PGM5: variants seen among roughly 807,000 people sequenced by gnomAD.
The protein encoded by PGM5 is phosphoglucomutase-like protein 5.
Under a neutral mutation model 59.2 loss-of-function variants are expected in PGM5, and 23 were observed. The observed-to-expected ratio is 0.39, with a 90% CI of 0.28 to 0.55. The LOEUF (loss-of-function observed/expected upper bound fraction) is 0.55, where lower values mean the gene tolerates loss of function less well. PGM5 is among the 20% of genes least tolerant of loss of function. The pLI is 0.66. For synonymous variants in PGM5, 214 were observed against 286.0 expected, an observed-to-expected ratio of 0.75 and a Z score of 2.54; for missense variants, 574 against 748.3, an observed-to-expected ratio of 0.77 and a Z score of 2.72.
chr9:68,423,629 A>ATCTCTCTCTCTC lies in PGM5; in HGVS notation c.1043+31170_1043+31181dup, dbSNP rs368417025. ...TGGGAAATAACCCCAAGAGCACAAA[A>ATCTCTCTCTCTC]TCTCTCTCTCTCTCTCTCTCTCTCT... On this transcript the variant is annotated intron_variant, in intron 6 of 10. Transcript: ENST00000396396. 4.9e-3 allele frequency among the ~76,000 whole-genome samples: 634 copies of ATCTCTCTCTCTC among 129,258 alleles called. 1 individual carries two copies. Among genetic ancestry groups the ATCTCTCTCTCTC allele is most frequent in the African/African-American group, 0.017 (587 of 34,572 alleles). 84.8% of individuals were successfully genotyped at this position (129,258 alleles called of 152,430 possible). A position where few individuals can be genotyped will look rare whatever the true frequency, so the allele number is the denominator to read the frequency against.
chr9:68,515,629 C>CT, intron 10 of PGM5, among the ~76,000 whole-genome samples: 1 of 152,320 alleles, frequency 6.6e-6, no homozygotes, highest in Non-Finnish European at 1.5e-5. Context: ...AGCTTTCCCC[C>CT]ACTGGGTGTG....
chr9:68,467,099 A>G (rs11142549), intron 7 of PGM5, among the ~76,000 whole-genome samples: 6,138 of 152,242 alleles, frequency 0.04, 514 homozygotes, highest in East Asian at 0.35. Context: ...TCTCCCAGTG[A>G]CAGCTGATCG....
chr9:68,359,579 T>G (rs2987724), intron 1 of PGM5, among the ~76,000 whole-genome samples: 1 of 152,176 alleles, frequency 6.6e-6, no homozygotes, highest in African/African-American at 2.4e-5. Context: ...AAATTGGTCT[T>G]GAATGATTGA....
intron 10 of PGM5, among the ~76,000 whole-genome samples, chr9:68,525,501 A>T (rs1253619289): frequency 6.6e-6 from 1 of 152,212 alleles, no homozygotes; most frequent in African/African-American, 2.4e-5. Flanking sequence ...ATGGCACTTG[A>T]TATTGATGTT....
At chr9:68,500,085 G>A (rs782097812) in intron 10 of PGM5, among the ~76,000 whole-genome samples, 1 of 149,934 alleles carries the variant, frequency 6.7e-6, no homozygotes, top group Non-Finnish European at 1.5e-5. Flanking sequence ...TTCAATCTGG[G>A]TTTTGAAGCA....
Position 68,529,545 on chromosome 9 carries a change from G to C in PGM5, c.1615-22G>C. 5 of 1,548,910 alleles carry C rather than the reference G, an allele frequency of 3.2e-6. No individual in the cohort carries two copies. The East Asian group carries it at 1.2e-4, about 36-fold the overall frequency. ...ATGTAACTGACTTGAGTTGTTCACA[G>C]ACTTTCCTTTTCCTTTTGCAGGCAG... On this transcript the variant is annotated intron_variant, in intron 10 of 10. Coordinates refer to ENST00000396396, the MANE Select transcript of PGM5 (RefSeq NM_021965.4).
rs537655935 is a variant in PGM5 at position 68,424,133 on chromosome 9, C to T, written c.1043+31660C>T. The stretch of plus-strand genomic sequence containing the variant: ...GAAGGTAAAGCATCTGGAAAAGTTT[C>T]CTATGAAGAGCTGCTGAAAAAGCCT... On this transcript the variant is annotated intron_variant, in intron 6 of 10. Transcript: ENST00000396396. Among the ~76,000 whole-genome samples the T allele has an allele frequency of 3.3e-5, 5 of 152,300 alleles. No homozygotes were observed. The East Asian group carries it at 9.6e-4, about 29-fold the overall frequency.
At chr9:68,446,559 G>T (rs564444189) in intron 6 of PGM5, among the ~76,000 whole-genome samples, 39 of 152,360 alleles carry the variant, frequency 2.6e-4, no homozygotes, top group African/African-American at 8.2e-4. Context: ...TGTACGTGCT[G>T]TGCGTGTCTC....
At chr9:68,413,898 T>G (rs1476076417) in intron 6 of PGM5, among the ~76,000 whole-genome samples, 1 of 152,228 alleles carries the variant, frequency 6.6e-6, no homozygotes, top group Non-Finnish European at 1.5e-5. Flanking sequence ...ATGCTATGGT[T>G]TGGGTGTTTG....
chr9:68,488,656 C>T (rs1396301681), intron 9 of PGM5, among the ~76,000 whole-genome samples: 1 of 152,132 alleles, frequency 6.6e-6, no homozygotes, highest in Admixed American at 6.5e-5. Context: ...TGTGTGACCT[C>T]GGATGCCAAG....
At chr9:68,360,863 G>GTT (rs1251850261) in intron 1 of PGM5, among the ~76,000 whole-genome samples, 1 of 151,746 alleles carries the variant, frequency 6.6e-6, no homozygotes, top group Non-Finnish European at 1.5e-5. Context: ...ATAAAAAATG[G>GTT]TTTTTTTATA....
At chr9:68,477,937 A>G (rs1253755480) in intron 7 of PGM5, among the ~76,000 whole-genome samples, 1 of 152,128 alleles carries the variant, frequency 6.6e-6, no homozygotes, top group Non-Finnish European at 1.5e-5. Context: ...AGTTGATACA[A>G]CAACAATGCC....
chr9:68,521,914 C>T (rs546236807), intron 10 of PGM5, among the ~76,000 whole-genome samples: 1 of 152,226 alleles, frequency 6.6e-6, no homozygotes, highest in Non-Finnish European at 1.5e-5. Flanking sequence ...GCTCTCTCCC[C>T]TTCTCCATCC....
At chr9:68,483,836 G>C in intron 8 of PGM5, 29 bp from the exon 9 acceptor site, 1 of 1,606,736 alleles carries the variant, frequency 6.2e-7, no homozygotes, top group Non-Finnish European at 8.5e-7. Context: ...TCTCTGATTA[G>C]GTTTCTGTTC....
chr9:68,459,685 C>G (rs1438609575), intron 6 of PGM5, among the ~76,000 whole-genome samples: 1 of 152,168 alleles, frequency 6.6e-6, no homozygotes, highest in African/African-American at 2.4e-5. Context: ...CTCTTTCCAG[C>G]TAGTCTTGTG....
chr9:68,490,634 C>T lies in PGM5; in HGVS notation c.1479+6586C>T, dbSNP rs772540550. ...GCTCCCAAAGTGCTGGGACTACAGG[C>T]GTGAGCCACTGCGCCTGACCTCAAC... On this transcript the variant is annotated intron_variant, in intron 9 of 10. Coordinates refer to ENST00000396396, the MANE Select transcript of PGM5 (RefSeq NM_021965.4). 2.8e-4 allele frequency among the ~76,000 whole-genome samples: 43 copies of T among 152,190 alleles called. 1 individual carries two copies. Among genetic ancestry groups the T allele is most frequent in the South Asian group, 2.1e-4 (1 of 4,828 alleles).
chr9:68,376,282 A>T (rs561603419), intron 1 of PGM5, among the ~76,000 whole-genome samples: 235 of 152,256 alleles, frequency 1.5e-3, no homozygotes, highest in Admixed American at 2.8e-3. Flanking sequence ...TATTATTATT[A>T]TATTATTATT....
intron 9 of PGM5, among the ~76,000 whole-genome samples, chr9:68,490,516 G>A (rs1375982903): frequency 2.6e-5 from 4 of 151,964 alleles, no homozygotes; most frequent in Non-Finnish European, 4.4e-5. Context: ...CACCATACCC[G>A]GCTAATTTTT....
At chr9:68,495,877 C>T (rs1824474423) in intron 9 of PGM5, among the ~76,000 whole-genome samples, 1 of 152,080 alleles carries the variant, frequency 6.6e-6, no homozygotes, top group Non-Finnish European at 1.5e-5. Context: ...TAATGTAATG[C>T]CTTATACCAG....
Sources: allele counts gnomAD v4.1 joint callset (sites outside exome capture counted in the v4.1 genomes callset), GRCh38; gene constraint gnomAD v4.1.1; transcripts MANE v1.5; gene names NCBI Gene and HGNC (gene_info 2026-07-23, HGNC 2026-07-21).